The following ROBO2 variants were observed in gnomAD, a reference collection of about 807,000 sequenced individuals.
ROBO2 encodes roundabout homolog 2.
ROBO2 carries 53 observed loss-of-function variants against 160.8 expected under a neutral mutation model. The observed-to-expected ratio is 0.33, with a 90% CI of 0.26 to 0.41. The LOEUF (loss-of-function observed/expected upper bound fraction) is 0.41, where lower values mean the gene tolerates loss of function less well. Ranked by LOEUF, ROBO2 falls within the 10% of genes least tolerant of loss-of-function variation. The pLI is 1.00. For synonymous variants in ROBO2, 664 were observed against 611.7 expected (o/e 1.09, Z -1.26); for missense variants, 1,577 against 1,722.4 (o/e 0.92, Z 1.49).
chr3:77,037,006 CTT>C, upstream of ROBO2, among the ~76,000 whole-genome samples: 1 of 151,666 alleles, frequency 6.6e-6, no homozygotes, highest in East Asian at 1.9e-4. Context: ...CTAAAACTGT[CTT>C]AAGTGTAATT....
At chr3:76,033,762 G>A (rs1355019127) in intron 2 of ROBO2, among the ~76,000 whole-genome samples, 2 of 152,094 alleles carry the variant, frequency 1.3e-5, no homozygotes, top group Non-Finnish European at 2.9e-5. Flanking sequence ...GAACCCATTG[G>A]CCTCATTCAC....
At chr3:75,943,353 G>T (rs569677200) in intron 2 of ROBO2, among the ~76,000 whole-genome samples, 5 of 152,184 alleles carry the variant, frequency 3.3e-5, no homozygotes, top group African/African-American at 1.2e-4. Context: ...ATCCTCTGAA[G>T]CTGAATTTAT....
At chr3:76,271,963 T>C (rs189781296) in intron 2 of ROBO2, among the ~76,000 whole-genome samples, 16 of 152,258 alleles carry the variant, frequency 1.1e-4, no homozygotes, top group South Asian at 2.1e-4. Context: ...CCCATTCTAG[T>C]TGTCTCTTTT....
intron 2 of ROBO2, among the ~76,000 whole-genome samples, chr3:76,424,034 G>A (rs2108953166): frequency 6.6e-6 from 1 of 152,214 alleles, no homozygotes; most frequent in South Asian, 2.1e-4. Flanking sequence ...TCACATGGTT[G>A]TGATCTTGGA....
At chr3:76,634,954 T>G (rs530905727) in intron 2 of ROBO2, among the ~76,000 whole-genome samples, 25 of 152,236 alleles carry the variant, frequency 1.6e-4, no homozygotes, top group African/African-American at 5.8e-4. Flanking sequence ...GGGATCTAGG[T>G]TGCACACTCC....
intron 2 of ROBO2, among the ~76,000 whole-genome samples, chr3:76,577,778 A>G (rs1383043127): frequency 1.3e-5 from 2 of 152,142 alleles, no homozygotes; most frequent in Non-Finnish European, 1.5e-5. Context: ...TAATCCCTAT[A>G]TAAGGGATTA....
At chr3:77,499,121 A>G (rs767199899) in intron 5 of ROBO2, among the ~76,000 whole-genome samples, 5 of 152,238 alleles carry the variant, frequency 3.3e-5, no homozygotes, top group Non-Finnish European at 5.9e-5. Context: ...TTACAATAAC[A>G]TACAAATATT....
chr3:76,196,416 A>G (rs772085731), intron 2 of ROBO2, among the ~76,000 whole-genome samples: 5 of 152,156 alleles, frequency 3.3e-5, no homozygotes, highest in Non-Finnish European at 5.9e-5. Flanking sequence ...AGAGAAACAC[A>G]TATATATTTC....
At position 76,978,944 on chromosome 3, in the gene ROBO2, T is replaced by TAAAAAAA. The variant is rs879743178; in HGVS notation, c.110-119062_110-119056dup. 9.9e-5 allele frequency among the ~76,000 whole-genome samples: 14 copies of TAAAAAAA among 141,496 alleles called. No homozygotes were observed. The South Asian group carries it at 3.1e-3, about 32-fold the overall frequency. The allele number at this position is 141,496 out of a possible 152,430, so 92.8% of individuals were successfully genotyped here. A position where few individuals can be genotyped will look rare whatever the true frequency, so the allele number is the denominator to read the frequency against. On this transcript the variant is annotated intron_variant, in intron 2 of 26. Coordinates refer to the ROBO2 transcript ENST00000487694. The stretch of plus-strand genomic sequence containing the variant: ...TTTTTTTGTTTGTTTGTTTGTTTTT[T>TAAAAAAA]AAAAAAAAAAAAAAGAAAAACAGGG...
chr3:77,052,095 T>C (rs1452804884), intron 1 of ROBO2, among the ~76,000 whole-genome samples: 1 of 152,194 alleles, frequency 6.6e-6, no homozygotes, highest in Non-Finnish European at 1.5e-5. Context: ...TACTGACTGA[T>C]GTTGGTTGCT....
intron 2 of ROBO2, among the ~76,000 whole-genome samples, chr3:76,971,840 C>T (rs550281651): frequency 6.6e-6 from 1 of 152,258 alleles, no homozygotes; most frequent in South Asian, 2.1e-4. Context: ...ATACTAGACC[C>T]ATTGCTAAGT....
chr3:76,160,468 C>T (rs919751875), intron 2 of ROBO2, among the ~76,000 whole-genome samples: 29 of 152,076 alleles, frequency 1.9e-4, no homozygotes, highest in African/African-American at 6.8e-4. Context: ...TGGTCATCCC[C>T]ATTAGGACAT....
intron 2 of ROBO2, among the ~76,000 whole-genome samples, chr3:76,069,954 C>T (rs1014448676): frequency 2.6e-5 from 4 of 152,148 alleles, no homozygotes; most frequent in Admixed American, 6.5e-5. Context: ...GAAGATTTCA[C>T]GGACACTTAT....
intron 20 of ROBO2, chr3:77,603,207 C>G (rs180940534): frequency 1.0e-5 from 4 of 382,134 alleles, no homozygotes; most frequent in Non-Finnish European, 2.1e-5. Flanking sequence ...TGAAATCATG[C>G]CTTGGTGGGA....
chr3:76,691,330 A>G (rs539982830), intron 2 of ROBO2, among the ~76,000 whole-genome samples: 7 of 152,144 alleles, frequency 4.6e-5, no homozygotes, highest in Non-Finnish European at 1.0e-4. Flanking sequence ...CTCCAGAACC[A>G]TAAGCCAAAT....
chr3:76,578,128 C>G (rs1380540449), intron 2 of ROBO2, among the ~76,000 whole-genome samples: 1 of 152,158 alleles, frequency 6.6e-6, no homozygotes, highest in African/African-American at 2.4e-5. Context: ...CCTGTCCATG[C>G]CCCAATTTCT....
chr3:76,911,337 C>T (rs887441161), intron 2 of ROBO2, among the ~76,000 whole-genome samples: 12 of 152,116 alleles, frequency 7.9e-5, no homozygotes, highest in African/African-American at 2.7e-4. Context: ...TTTGTATTTG[C>T]AAGTAAAATT....
At chr3:77,167,039 G>A (rs745519966) in intron 2 of ROBO2, among the ~76,000 whole-genome samples, 1 of 152,150 alleles carries the variant, frequency 6.6e-6, no homozygotes, top group Non-Finnish European at 1.5e-5. Flanking sequence ...ATGGTGATAA[G>A]TTCATTATAC....
At chr3:77,557,833 T>A in intron 8 of ROBO2, 111 bp from the exon 10 acceptor site, 6 of 821,934 alleles carry the variant, frequency 7.3e-6, no homozygotes, top group Non-Finnish European at 1.2e-5. Flanking sequence ...TAGAATAAGT[T>A]ATAAGTAATA....
Sources: allele counts gnomAD v4.1 joint callset (sites outside exome capture counted in the v4.1 genomes callset), GRCh38; gene constraint gnomAD v4.1.1; transcripts MANE v1.5; gene names NCBI Gene and HGNC (gene_info 2026-07-23, HGNC 2026-07-21).